The following RAB19 variants were observed in gnomAD, a reference collection of about 807,000 sequenced individuals.
The protein encoded by RAB19 is RAB19, member RAS oncogene family, also known as ras-related protein Rab-19.
In RAB19, 21 loss-of-function variants were observed where a neutral mutation model predicts 17.3. The observed-to-expected ratio is 1.21, with a 90% CI of 0.86 to 1.74. RAB19 has a LOEUF of 1.74. RAB19 is among the 40% of genes most tolerant of loss of function. The pLI is 0.00. For synonymous variants in RAB19, 126 were observed against 110.4 expected (o/e 1.14, Z -0.88); for missense variants, 277 against 286.8 (o/e 0.97, Z 0.25).
intron 3 of RAB19, among the ~76,000 whole-genome samples, chr7:140,422,813 A>G (rs901581133): frequency 6.6e-6 from 1 of 152,150 alleles, no homozygotes; most frequent in Non-Finnish European, 1.5e-5. Context: ...CTCAAAAAAA[A>G]TGAATAAATA....
In RAB19 at chr7:140,425,542, T is replaced by A. The variant is rs549446493; in HGVS notation, c.386-340T>A. ...GAGTACAAGACCAGCCTGGTCAATA[T>A]GGCAAAACACCTTCTCTACTAAAAA... On this transcript the variant is annotated intron_variant, in intron 3 of 3. Transcript: ENST00000537763. 5.5e-4 allele frequency among the ~76,000 whole-genome samples: 84 copies of A among 151,914 alleles called. 1 individual carries two copies. Among genetic ancestry groups the A allele is most frequent in the African/African-American group, 2.0e-3 (81 of 41,444 alleles).
rs548565614 is a variant in RAB19, at chr7:140,423,452, A to C, written c.386-2430A>C. Among the ~76,000 whole-genome samples the C allele has an allele frequency of 1.9e-3, 287 of 152,178 alleles. 2 individuals carry two copies. Among genetic ancestry groups the C allele is most frequent in the Admixed American group, 3.0e-3 (45 of 15,254 alleles). Reference sequence around the variant, plus strand: ...GAGACTACATTTCAAAAAAAAAAAAAACACAAATGTTGGTCCATGCATACT... The same window carrying C: ...GAGACTACATTTCAAAAAAAAAAAACACACAAATGTTGGTCCATGCATACT... On this transcript the variant is annotated intron_variant, in intron 3 of 3. Transcript: ENST00000537763.
intron 1 of RAB19, 193 bp from the exon 2 acceptor site, chr7:140,407,431 G>A (rs1799263620): frequency 1.9e-6 from 1 of 539,584 alleles, no homozygotes; most frequent in South Asian, 2.2e-5. Context: ...TTTATTCCAA[G>A]AGCACCCCTA....
rs1799375058 is a variant in RAB19 at position 140,412,022 on chromosome 7, A to G, written c.350A>G (p.Lys117Arg). 2 of 1,613,460 alleles carry G rather than the reference A, an allele frequency of 1.2e-6. No homozygotes were observed. The highest frequency in any genetic ancestry group is 1.3e-5 in the African/African-American group (1 of 74,934). ...SIPHWIHEIE[K>R]YGAANVVIML... ...CCTCACTGGATTCATGAGATAGAGA[A>G]ATATGGAGCTGCAAATGTGGTCATT... The change falls in exon 3 of 4, where the codon AAA (lysine) becomes AGA (arginine). Residue 117 changes from lysine (K) to arginine (R), a missense_variant. Lys to Arg is a conservative substitution (Grantham distance 26). Transcript: ENST00000537763.
intron 3 of RAB19, among the ~76,000 whole-genome samples, chr7:140,420,657 ATGAG>A (rs1799544601): frequency 6.6e-6 from 1 of 152,098 alleles, no homozygotes; most frequent in African/African-American, 2.4e-5. Flanking sequence ...ATGGATGTGC[ATGAG>A]TGCCCTCATG....
chr7:140,409,988 G>T (rs1464082484), intron 2 of RAB19, among the ~76,000 whole-genome samples: 5 of 79,924 alleles, frequency 6.3e-5, no homozygotes, highest in Non-Finnish European at 1.1e-4. Context: ...GCGAGACTCC[G>T]TCTCAAAAAA....
intron 1 of RAB19, among the ~76,000 whole-genome samples, chr7:140,406,507 G>A (rs1443314544): frequency 2.0e-5 from 3 of 151,574 alleles, no homozygotes; most frequent in African/African-American, 7.3e-5. Context: ...GGGTGTGGTA[G>A]TGCAGGTCTA....
intron 3 of RAB19, among the ~76,000 whole-genome samples, chr7:140,412,325 G>A (rs998692240): frequency 2.6e-5 from 4 of 151,986 alleles, no homozygotes; most frequent in African/African-American, 4.8e-5. Context: ...AGTGGTGGGC[G>A]CCTGTAGTCC....
At chr7:140,420,119 G>T (rs1043817709) in intron 3 of RAB19, among the ~76,000 whole-genome samples, 2 of 151,998 alleles carry the variant, frequency 1.3e-5, no homozygotes, top group Non-Finnish European at 2.9e-5. Context: ...CAGCTGTGAG[G>T]GATAAAGAAG....
At chr7:140,415,249 G>A (rs1408854086) in intron 3 of RAB19, among the ~76,000 whole-genome samples, 1 of 151,506 alleles carries the variant, frequency 6.6e-6, no homozygotes, top group Non-Finnish European at 1.5e-5. Context: ...TAATTTTTGT[G>A]TTTTTAGTAG....
rs1251580589 is a variant in RAB19 at position 140,425,886 on chromosome 7, T to A, written c.390T>A (p.Asn130Lys). 3 of 1,603,770 alleles carry A rather than the reference T, an allele frequency of 1.9e-6. No individual in the cohort carries two copies. The highest frequency in any genetic ancestry group is 2.6e-6 in the Non-Finnish European group (3 of 1,173,944). The part of the protein sequence containing the change: ...AANVVIMLIG[N>K]KCDLWEKRHV... ...CGGCTTATCTTTTCCTTCCAGGAAA[T>A]AAATGTGACCTCTGGGAAAAGCGGC... is the stretch of plus-strand genomic sequence containing the variant. The change falls in exon 4 of 4, where the codon AAT becomes AAA. Residue 130 changes from asparagine to lysine, a missense_variant. Physicochemically the swap from Asn to Lys is moderately conservative, Grantham distance 94. Coordinates refer to ENST00000537763, the MANE Select transcript of RAB19 (RefSeq NM_001008749.3).
At chr7:140,414,727 G>A (rs535143006) in intron 3 of RAB19, among the ~76,000 whole-genome samples, 25 of 152,208 alleles carry the variant, frequency 1.6e-4, no homozygotes, top group African/African-American at 4.6e-4. Flanking sequence ...GAAGTGTCCC[G>A]GCACACATTG....
In RAB19 at chr7:140,426,172, A is replaced by G. The variant is rs1352444500; in HGVS notation, c.*22A>G. 1 of 1,603,426 alleles carries G rather than the reference A, an allele frequency of 6.2e-7. No homozygotes were observed. The highest frequency in any genetic ancestry group is 2.2e-5 in the East Asian group (1 of 44,712). On this transcript the variant is annotated 3_prime_UTR_variant, in exon 4 of 4. Transcript: ENST00000537763. The stretch of plus-strand genomic sequence containing the variant: ...CTAAGATGTTTGCAAAGCCAGTTGC[A>G]CCCACCAAAGAGGCCGCCTCTGAAA...
intron 3 of RAB19, among the ~76,000 whole-genome samples, chr7:140,413,418 A>G (rs1585421388): frequency 1.3e-5 from 2 of 151,954 alleles, no homozygotes; most frequent in Admixed American, 6.6e-5. Flanking sequence ...TCTGTGATGA[A>G]TGTCTTTGGG....
intron 3 of RAB19, among the ~76,000 whole-genome samples, chr7:140,421,178 A>G (rs1231433025): frequency 6.6e-6 from 1 of 151,948 alleles, no homozygotes; most frequent in Non-Finnish European, 1.5e-5. Context: ...GGCATGAGCC[A>G]CCACGCCTGG....
rs558153548 is a variant in RAB19 at position 140,426,041 on chromosome 7, G to C, written c.545G>C (p.Arg182Pro). Residue 182 changes from arginine to proline, a missense_variant, in exon 4 of 4, where the codon CGC (arginine) becomes CCC (proline). By Grantham distance (103) the Arg-to-Pro change is moderately radical (BLOSUM62 -2). Coordinates refer to ENST00000537763, the MANE Select transcript of RAB19 (RefSeq NM_001008749.3). ...CTCATGGCCAAGGAGCTGATCGCGC[G>C]CAACAGCCTGCACCTATATGGGGAG... The part of the protein sequence containing the change: ...FVLMAKELIA[R>P]NSLHLYGESA... 1.2e-6 allele frequency: 2 copies of C among 1,613,990 alleles called. No individual in the cohort carries two copies. Among genetic ancestry groups the C allele is most frequent in the Non-Finnish European group, 1.7e-6 (2 of 1,180,030 alleles).
rs1472297425 is a variant in RAB19, at chr7:140,407,748, G to A, written c.102G>A (p.Val34=). 1 of 1,613,850 alleles carries A rather than the reference G, an allele frequency of 6.2e-7. No individual in the cohort carries two copies. The highest frequency in any genetic ancestry group is 1.1e-5 in the South Asian group (1 of 91,064). Residue 34 remains valine (V), a synonymous_variant, in exon 2 of 4, where the codon GTG becomes GTA. Coordinates refer to ENST00000537763, the MANE Select transcript of RAB19 (RefSeq NM_001008749.3). ...GDSNVGKTCV[V]QHFKSGVYTE... Reference sequence around the variant, plus strand: ...CCAATGTGGGGAAGACGTGTGTGGTGCAGCATTTCAAGTCTGGAGTCTACA... The same window carrying A: ...CCAATGTGGGGAAGACGTGTGTGGTACAGCATTTCAAGTCTGGAGTCTACA...
chr7:140,420,407 T>C (rs61019664), intron 3 of RAB19, among the ~76,000 whole-genome samples: 3,583 of 114,564 alleles, frequency 0.031, 141 homozygotes, highest in African/African-American at 0.11. Context: ...GGCAACAGAG[T>C]GAGACTCCAT....
chr7:140,412,159 G>GT (rs1230562161), intron 3 of RAB19, 102 bp downstream of exon 3: 4 of 1,251,810 alleles, frequency 3.2e-6, no homozygotes, highest in African/African-American at 1.5e-5. Context: ...TCTTAAAAGT[G>GT]TAAGTGATGC....
Sources: allele counts gnomAD v4.1 joint callset (sites outside exome capture counted in the v4.1 genomes callset), GRCh38; gene constraint gnomAD v4.1.1; transcripts MANE v1.5; gene names NCBI Gene and HGNC (gene_info 2026-07-23, HGNC 2026-07-21).